Variants in SPDYE10 observed in about 807,000 individuals in gnomAD.
SPDYE10 encodes speedy protein E10.
chr7:73,123,824 T>TCTCTCTCTCTCTCTCTCTCTCTCTCC, the SPDYE10 span, among the ~76,000 whole-genome samples: 2 of 150,676 alleles, frequency 1.3e-5, no homozygotes, highest in African/African-American at 5.0e-5. Context: ...TCTCTCTCTC[T>TCTCTCTCTCTCTCTCTCTCTCTCTCC]CTCTGGCTGG....
chr7:73,116,923 T>G, the SPDYE10 span, among the ~76,000 whole-genome samples: 4 of 148,790 alleles, frequency 2.7e-5, no homozygotes, highest in Middle Eastern at 3.5e-3. Context: ...TGAGACAGAG[T>G]CTCGCTGTGT....
chr7:73,142,538 T>C, the SPDYE10 span, among the ~76,000 whole-genome samples: 6 of 152,276 alleles, frequency 3.9e-5, no homozygotes, highest in Admixed American at 6.5e-5. Flanking sequence ...TTTTAAAACA[T>C]TGAACAGAGA....
chr7:73,149,575 T>C, the SPDYE10 span, among the ~76,000 whole-genome samples: 1 of 152,022 alleles, frequency 6.6e-6, no homozygotes, highest in African/African-American at 2.4e-5. Context: ...GCGTGAGCCA[T>C]TGTGCCCAGC....
At chr7:73,127,441 C>T in the SPDYE10 span, among the ~76,000 whole-genome samples, 1 of 114,392 alleles carries the variant, frequency 8.7e-6, no homozygotes, top group South Asian at 3.1e-4. Context: ...CGCTTGTAAT[C>T]CCAGCTGCTT....
At chr7:73,132,634 A>G in the SPDYE10 span, among the ~76,000 whole-genome samples, 5 of 149,258 alleles carry the variant, frequency 3.3e-5, no homozygotes, top group Admixed American at 2.0e-4. Context: ...CCAGCCTTCT[A>G]TCTCCTTAGG....
At chr7:73,150,908 ATAT>A in the SPDYE10 span, among the ~76,000 whole-genome samples, 23 of 9,188 alleles carry the variant, frequency 2.5e-3, 3 homozygotes, top group East Asian at 9.1e-3. Context: ...AAAAAAAAAA[ATAT>A]ATATATATAT....
chr7:73,150,948 A>ATTTTTTTT, the SPDYE10 span, among the ~76,000 whole-genome samples: 1 of 4,944 alleles, frequency 2.0e-4, no homozygotes, highest in African/African-American at 8.9e-4. Context: ...ATATATATAT[A>ATTTTTTTT]TTTTTTTTTT....
chr7:73,114,579 C>T, the SPDYE10 span, among the ~76,000 whole-genome samples: 1 of 142,270 alleles, frequency 7.0e-6, no homozygotes, highest in Non-Finnish European at 1.5e-5. Context: ...CTCTGTCACC[C>T]AGGCTAGAGT....
the SPDYE10 span, among the ~76,000 whole-genome samples, chr7:73,146,659 G>GT: frequency 4.2e-5 from 4 of 95,240 alleles, no homozygotes; most frequent in African/African-American, 1.6e-4. Flanking sequence ...TGTCTCTGCT[G>GT]TAAAAAAAAA....
chr7:73,130,272 G>A, the SPDYE10 span, among the ~76,000 whole-genome samples: 2 of 150,084 alleles, frequency 1.3e-5, no homozygotes, highest in Admixed American at 1.3e-4. Context: ...TGGGCAACAT[G>A]TTGAAACCCT....
At chr7:73,134,656 G>A in the SPDYE10 span, among the ~76,000 whole-genome samples, 5 of 152,246 alleles carry the variant, frequency 3.3e-5, no homozygotes, top group Non-Finnish European at 7.3e-5. Context: ...GAGGTCAGGA[G>A]TTCAAGACCA....
the SPDYE10 span, among the ~76,000 whole-genome samples, chr7:73,134,763 G>A: frequency 6.6e-6 from 1 of 152,272 alleles, no homozygotes; most frequent in East Asian, 1.9e-4. Flanking sequence ...TTGAGAGGCT[G>A]AGGCAGGAGA....
chr7:73,123,571 A>G, the SPDYE10 span, among the ~76,000 whole-genome samples: 1 of 152,182 alleles, frequency 6.6e-6, no homozygotes, highest in Non-Finnish European at 1.5e-5. Context: ...GATTCAAGCA[A>G]TTCTCCTGCC....
the SPDYE10 span, among the ~76,000 whole-genome samples, chr7:73,139,586 G>A: frequency 6.7e-6 from 1 of 148,208 alleles, no homozygotes; most frequent in Admixed American, 6.7e-5. Flanking sequence ...CTCCCAAAGT[G>A]CTGAGATTAC....
the SPDYE10 span, among the ~76,000 whole-genome samples, chr7:73,141,294 G>C: frequency 8.6e-5 from 13 of 151,950 alleles, no homozygotes; most frequent in Non-Finnish European, 1.5e-4. Flanking sequence ...AGTCTGAGGC[G>C]GGCAGATCAC....
chr7:73,137,956 G>A, the SPDYE10 span, among the ~76,000 whole-genome samples: 9 of 145,860 alleles, frequency 6.2e-5, no homozygotes, highest in Non-Finnish European at 1.4e-4. Flanking sequence ...AAGGGGAAGG[G>A]AAGGGACCCA....
At chr7:73,124,938 T>TAAAGAAAG in the SPDYE10 span, among the ~76,000 whole-genome samples, 16 of 144,304 alleles carry the variant, frequency 1.1e-4, no homozygotes, top group Non-Finnish European at 2.4e-4. Flanking sequence ...AATAAATAAA[T>TAAAGAAAG]AAAGAAATAA....
chr7:73,152,576 C>G, the SPDYE10 span, among the ~76,000 whole-genome samples: 26 of 3,986 alleles, frequency 6.5e-3, no homozygotes, highest in South Asian at 0.019. Context: ...GTTTGTCAGG[C>G]TGGTCTCAAA....
the SPDYE10 span, among the ~76,000 whole-genome samples, chr7:73,143,118 T>G: frequency 6.6e-6 from 1 of 150,536 alleles, no homozygotes; most frequent in Admixed American, 6.6e-5. Flanking sequence ...TCAAGTTGTA[T>G]TTTCCCAAAA....
Sources: gnomAD v4.1 joint callset for allele counts (sites outside exome capture counted in the v4.1 genomes callset) on GRCh38, gnomAD v4.1.1 for gene constraint, MANE v1.5 for transcripts, NCBI Gene and HGNC (gene_info 2026-07-23, HGNC 2026-07-21) for gene names.